UBAP2: variants seen among roughly 807,000 people sequenced by gnomAD.
The protein encoded by UBAP2 is ubiquitin associated protein 2.
In UBAP2, 75 loss-of-function variants were observed where a neutral mutation model predicts 139.6. The observed-to-expected ratio is 0.54, with a 90% CI of 0.45 to 0.65. The LOEUF (loss-of-function observed/expected upper bound fraction) is 0.65. Ranked by LOEUF, UBAP2 falls within the 30% of genes least tolerant of loss-of-function variation. UBAP2 has a pLI of 0.00. For synonymous variants in UBAP2, 526 were observed against 526.2 expected (o/e 1.00, Z 0.01); for missense variants, 1,368 against 1,369.6 (o/e 1.00, Z 0.02).
chr9:34,036,137 G>A (rs1008212076), intron 1 of UBAP2, among the ~76,000 whole-genome samples: 31 of 147,694 alleles, frequency 2.1e-4, no homozygotes, highest in Non-Finnish European at 3.7e-4. Context: ...TTTTTGAGAC[G>A]GAGTTTCACT....
intron 1 of UBAP2, among the ~76,000 whole-genome samples, chr9:34,023,947 C>G (rs376270359): frequency 6.6e-6 from 1 of 151,758 alleles, no homozygotes; most frequent in Non-Finnish European, 1.5e-5. Context: ...AGGAGGCTGA[C>G]GCAGGAGAAT....
intron 16 of UBAP2, among the ~76,000 whole-genome samples, chr9:33,940,005 G>C (rs1357496577): frequency 7.7e-6 from 1 of 130,460 alleles, no homozygotes; most frequent in Non-Finnish European, 1.6e-5. Context: ...AGGAGGAGGG[G>C]AAAGAGGAGG....
intron 1 of UBAP2, among the ~76,000 whole-genome samples, chr9:34,036,266 A>G (rs1286204279): frequency 2.0e-5 from 3 of 151,564 alleles, no homozygotes; most frequent in Non-Finnish European, 4.4e-5. Flanking sequence ...ACAGGCACCC[A>G]CCGCCATGCC....
chr9:34,023,378 A>C (rs1472157879), intron 1 of UBAP2, among the ~76,000 whole-genome samples: 1 of 152,214 alleles, frequency 6.6e-6, no homozygotes, highest in African/African-American at 2.4e-5. Flanking sequence ...CAGAAAAATG[A>C]CTTAATCTTT....
chr9:34,042,701 C>T (rs1827206902), intron 1 of UBAP2, among the ~76,000 whole-genome samples: 1 of 151,872 alleles, frequency 6.6e-6, no homozygotes, highest in Non-Finnish European at 1.5e-5. Flanking sequence ...AAAAGAAATG[C>T]CTTGGGAGCT....
chr9:34,009,346 G>A (rs2184254), intron 2 of UBAP2, among the ~76,000 whole-genome samples: 91,351 of 151,752 alleles, frequency 0.6, 27,871 homozygotes, highest in East Asian at 0.82. Flanking sequence ...TGATCCACCC[G>A]TCTCAGCCTC....
At chr9:33,966,282 T>C (rs1827445790) in intron 8 of UBAP2, among the ~76,000 whole-genome samples, 8 of 147,338 alleles carry the variant, frequency 5.4e-5, no homozygotes, top group Admixed American at 4.8e-4. Context: ...ACCCTGTCTC[T>C]ACTAAAACTA....
intron 12 of UBAP2, among the ~76,000 whole-genome samples, chr9:33,952,025 C>A (rs1826145159): frequency 6.6e-6 from 1 of 152,108 alleles, no homozygotes; most frequent in South Asian, 2.1e-4. Context: ...TCCCCAAGCC[C>A]AACACATGAT....
At chr9:33,937,932 T>C (rs1028479231) in intron 16 of UBAP2, among the ~76,000 whole-genome samples, 1 of 151,744 alleles carries the variant, frequency 6.6e-6, no homozygotes, top group Non-Finnish European at 1.5e-5. Flanking sequence ...AATAGATACA[T>C]ATATTTACAC....
chr9:33,963,129 T>C (rs1202383715), intron 9 of UBAP2, among the ~76,000 whole-genome samples: 1 of 152,164 alleles, frequency 6.6e-6, no homozygotes, highest in Non-Finnish European at 1.5e-5. Flanking sequence ...CAAGGCACTA[T>C]GTATGTAGCC....
intron 6 of UBAP2, among the ~76,000 whole-genome samples, chr9:33,980,216 A>ATTTTTTTTTTTTTTTT (rs1554686508): frequency 1.3e-5 from 1 of 77,310 alleles, no homozygotes; most frequent in Non-Finnish European, 2.7e-5. Context: ...CCTGAGTGTC[A>ATTTTTTTTTTTTTTTT]TTTCTTTTTT....
intron 22 of UBAP2, among the ~76,000 whole-genome samples, chr9:33,926,159 A>C (rs912118084): frequency 1.3e-5 from 2 of 152,126 alleles, no homozygotes; most frequent in African/African-American, 4.8e-5. Flanking sequence ...AGCTCAAGCC[A>C]CTCACTCAGC....
At chr9:34,023,581 A>G (rs1345354913) in intron 1 of UBAP2, among the ~76,000 whole-genome samples, 1 of 152,236 alleles carries the variant, frequency 6.6e-6, no homozygotes, top group Non-Finnish European at 1.5e-5. Context: ...ATACGTAATT[A>G]GCCTATAAAT....
intron 2 of UBAP2, among the ~76,000 whole-genome samples, chr9:34,000,293 C>T (rs72729305): frequency 0.079 from 11,984 of 152,128 alleles, 679 homozygotes; most frequent in Non-Finnish European, 0.12. Flanking sequence ...TGCAGAAAAA[C>T]TATTTACTTT....
chr9:34,043,532 G>A (rs1474074471), intron 1 of UBAP2, among the ~76,000 whole-genome samples: 2 of 151,798 alleles, frequency 1.3e-5, no homozygotes. Context: ...TATGGAGATA[G>A]GGTCTCACTC....
At chr9:33,993,409 A>G (rs892659759) in intron 4 of UBAP2, among the ~76,000 whole-genome samples, 1 of 152,234 alleles carries the variant, frequency 6.6e-6, no homozygotes, top group Non-Finnish European at 1.5e-5. Context: ...GGCAAACAGT[A>G]TGAGAGACAA....
At chr9:33,926,908 G>A in intron 21 of UBAP2, 81 bp downstream of exon 21, 2 of 1,415,926 alleles carry the variant, frequency 1.4e-6, no homozygotes, top group Non-Finnish European at 2.0e-6. Context: ...GGCAACCTGG[G>A]CCCAACGCCA....
chr9:33,935,619 A>C, intron 17 of UBAP2: 1 of 600,778 alleles, frequency 1.7e-6, no homozygotes, highest in Non-Finnish European at 3.0e-6. Flanking sequence ...CAGTCTGATT[A>C]GGGCAGAAGA....
chr9:33,964,740 AC>A lies in UBAP2; in HGVS notation c.680-950del, dbSNP rs556586119. 3.1e-3 allele frequency among the ~76,000 whole-genome samples: 465 copies of A among 152,256 alleles called. 10 individuals are homozygous for A. Among genetic ancestry groups the A allele is most frequent in the Admixed American group, 0.022 (341 of 15,296 alleles). On this transcript the variant is annotated intron_variant, in intron 8 of 28. Transcript: ENST00000379238. ...AAAAAAAAAGAAGCAAGAAAAAAAA[AC>A]ATCAGTGGAGGTATTAATAAAAGCA...
Sources: gnomAD v4.1 joint callset for allele counts (sites outside exome capture counted in the v4.1 genomes callset) on GRCh38, gnomAD v4.1.1 for gene constraint, MANE v1.5 for transcripts, NCBI Gene and HGNC (gene_info 2026-07-23, HGNC 2026-07-21) for gene names.